Variants in MTCL2 observed in about 807,000 individuals in gnomAD.
MTCL2 encodes microtubule cross-linking factor 2.
chr20:36,825,815 C>T, the MTCL2 span, among the ~76,000 whole-genome samples: 5 of 152,174 alleles, frequency 3.3e-5, no homozygotes, highest in Non-Finnish European at 5.9e-5. Flanking sequence ...CACAGGCTCC[C>T]GCCTCCTGTG....
At chr20:36,837,189 T>A in the MTCL2 span, among the ~76,000 whole-genome samples, 14 of 152,272 alleles carry the variant, frequency 9.2e-5, no homozygotes, top group African/African-American at 3.4e-4. Flanking sequence ...GAAGCCTCCC[T>A]AGGGCCCCAT....
At chr20:36,813,731 C>T in the MTCL2 span, among the ~76,000 whole-genome samples, 15 of 107,122 alleles carry the variant, frequency 1.4e-4, no homozygotes, top group South Asian at 9.9e-4. Context: ...CCAGCCTGGG[C>T]GACAGAGTAA....
the MTCL2 span, among the ~76,000 whole-genome samples, chr20:36,856,479 T>C: frequency 3.9e-5 from 6 of 152,174 alleles, no homozygotes; most frequent in Non-Finnish European, 5.9e-5. Context: ...TCCAAGGAGA[T>C]TAGAAGGGAG....
At chr20:36,861,865 G>A in the MTCL2 span, among the ~76,000 whole-genome samples, 1 of 152,190 alleles carries the variant, frequency 6.6e-6, no homozygotes, top group African/African-American at 2.4e-5. Flanking sequence ...GCTGTCCGGG[G>A]GAAGCCCTAG....
the MTCL2 span, among the ~76,000 whole-genome samples, chr20:36,802,451 C>T: frequency 6.6e-6 from 1 of 152,066 alleles, no homozygotes; most frequent in African/African-American, 2.4e-5. Context: ...TGGAGGCCTC[C>T]CAATTTTCCC....
the MTCL2 span, among the ~76,000 whole-genome samples, chr20:36,798,613 C>A: frequency 1.3e-5 from 2 of 152,178 alleles, no homozygotes; most frequent in East Asian, 3.9e-4. Context: ...GACAGGGGTC[C>A]AAAAGACCGG....
chr20:36,798,030 G>T, the MTCL2 span, among the ~76,000 whole-genome samples: 3 of 151,890 alleles, frequency 2.0e-5, no homozygotes, highest in African/African-American at 4.8e-5. Context: ...TCACTTCCAG[G>T]TGGCTTGTGA....
At chr20:36,785,331 C>T in the MTCL2 span, 1 of 985,338 alleles carries the variant, frequency 1.0e-6, no homozygotes, top group Non-Finnish European at 1.2e-6. Flanking sequence ...CATGTTTCAA[C>T]CTCCAATAAA....
chr20:36,824,928 G>GGTCTGAAT, the MTCL2 span, among the ~76,000 whole-genome samples: 1 of 149,962 alleles, frequency 6.7e-6, no homozygotes, highest in Non-Finnish European at 1.5e-5. Flanking sequence ...TGCTGTGTCT[G>GGTCTGAAT]GTCTGAATTG....
chr20:36,854,525 C>T, the MTCL2 span, among the ~76,000 whole-genome samples: 1 of 151,066 alleles, frequency 6.6e-6, no homozygotes, highest in African/African-American at 2.4e-5. Flanking sequence ...GGACAGAGGC[C>T]GGGGTGTGTC....
the MTCL2 span, among the ~76,000 whole-genome samples, chr20:36,844,421 T>C: frequency 0.037 from 5,503 of 149,558 alleles, 370 homozygotes; most frequent in African/African-American, 0.13. Context: ...ATAATAATAA[T>C]AACAACAATA....
chr20:36,830,829 C>A, the MTCL2 span, among the ~76,000 whole-genome samples: 1 of 152,230 alleles, frequency 6.6e-6, no homozygotes, highest in Non-Finnish European at 1.5e-5. Flanking sequence ...GGCCTGCACA[C>A]AGTGAGTTCT....
chr20:36,843,581 C>T, the MTCL2 span, among the ~76,000 whole-genome samples: 11 of 152,072 alleles, frequency 7.2e-5, no homozygotes, highest in Admixed American at 2.6e-4. Context: ...TTCAGGCAGC[C>T]GGTGAAGGAA....
chr20:36,834,173 A>G, the MTCL2 span, among the ~76,000 whole-genome samples: 17 of 151,706 alleles, frequency 1.1e-4, no homozygotes, highest in African/African-American at 4.1e-4. Flanking sequence ...AAAAAAAAAA[A>G]AAAAAAGAAA....
chr20:36,795,102 C>G, the MTCL2 span, among the ~76,000 whole-genome samples: 1 of 152,130 alleles, frequency 6.6e-6, no homozygotes, highest in South Asian at 2.1e-4. Flanking sequence ...CCACGCCCAG[C>G]TAATTTTTGT....
the MTCL2 span, chr20:36,797,694 G>T: frequency 1.2e-6 from 1 of 864,108 alleles, no homozygotes; most frequent in Non-Finnish European, 1.8e-6. Flanking sequence ...TCATGGACAA[G>T]GGGCCACCTT....
At chr20:36,863,479 C>T in the MTCL2 span, 1 of 582,032 alleles carries the variant, frequency 1.7e-6, no homozygotes, top group Non-Finnish European at 2.3e-6. This position sits in a 1 kb window ranked among gnomAD's most constrained non-coding sequence, Gnocchi z 6.2. Context: ...GCCCCGACAC[C>T]GCGTCCCCGT....
the MTCL2 span, among the ~76,000 whole-genome samples, chr20:36,856,128 C>A: frequency 6.6e-6 from 1 of 152,188 alleles, no homozygotes; most frequent in South Asian, 2.1e-4. Context: ...CCAGCTTTTC[C>A]GTTTCAAGCC....
chr20:36,784,117 G>A, the MTCL2 span: 65 of 985,632 alleles, frequency 6.6e-5, no homozygotes, highest in Non-Finnish European at 7.0e-5. Context: ...CCGAGGCTGA[G>A]TACGCAGCCT....
Sources: gnomAD v4.1 joint callset for allele counts (sites outside exome capture counted in the v4.1 genomes callset) on GRCh38, gnomAD v4.1.1 for gene constraint, Gnocchi (gnomAD v3.1) non-coding constraint, MANE v1.5 for transcripts, NCBI Gene and HGNC (gene_info 2026-07-23, HGNC 2026-07-21) for gene names.